CADPS: variants seen among roughly 807,000 people sequenced by gnomAD.
CADPS encodes the protein calcium-dependent secretion activator 1.
A neutral mutation model predicts 167.3 loss-of-function variants in CADPS; 57 were observed. The observed-to-expected ratio is 0.34, with a 90% CI of 0.28 to 0.42. CADPS has a LOEUF of 0.42. Among genes scored for constraint, CADPS ranks in the 20% least tolerant of loss-of-function variants. CADPS has a pLI of 1.00. For missense variants in CADPS, 1,414 were observed against 1,738.1 expected (o/e 0.81, Z 3.32); for synonymous variants, 676 against 635.3 (o/e 1.06, Z -0.96).
rs2049194032 is a variant in CADPS at position 62,412,679 on chromosome 3, C to T, written c.3778-9494G>A. The stretch of plus-strand genomic sequence containing the variant: ...AAGGGATGAATCCACAAGTAGACTC[C>T]CGACTTAATGCATTTCAGCCTTCTA... On this transcript the variant is annotated intron_variant, in intron 28 of 29. Transcript: ENST00000383710. This position sits in a 1 kb window ranked among gnomAD's most constrained non-coding sequence, Gnocchi z 4.1. Among the ~76,000 whole-genome samples, 3 of 152,052 alleles carry T rather than the reference C, an allele frequency of 2.0e-5. No individual in the cohort carries two copies. The highest frequency in any genetic ancestry group is 2.0e-4 in the Admixed American group (3 of 15,256).
At chr3:62,461,500 C>G (rs971873744) in intron 26 of CADPS, among the ~76,000 whole-genome samples, 7 of 152,154 alleles carry the variant, frequency 4.6e-5, no homozygotes, top group African/African-American at 1.7e-4. Context: ...GGGCTTTCCA[C>G]CTTTGCCCTC....
intron 9 of CADPS, among the ~76,000 whole-genome samples, chr3:62,559,444 G>C (rs2078756330): frequency 6.6e-6 from 1 of 151,838 alleles, no homozygotes; most frequent in Non-Finnish European, 1.5e-5. Flanking sequence ...CAGATTTCCT[G>C]TGACCCTCTG....
At chr3:62,858,891 G>A (rs1300121795) in intron 1 of CADPS, among the ~76,000 whole-genome samples, 1 of 152,006 alleles carries the variant, frequency 6.6e-6, no homozygotes, top group Non-Finnish European at 1.5e-5. Context: ...TACCTTTGTT[G>A]CTATCATATT....
In CADPS at chr3:62,672,565, C is replaced by T. The variant is rs145608360; in HGVS notation, c.889-10171G>A. On this transcript the variant is annotated intron_variant, in intron 3 of 29. Transcript: ENST00000383710. ...AGACCATTCTGTACTTCTAGGTTCACGAACATGACATACTCTTGCTTGGCC... is the reference window on the plus strand; with the variant it reads ...AGACCATTCTGTACTTCTAGGTTCATGAACATGACATACTCTTGCTTGGCC... Among the ~76,000 whole-genome samples the T allele has an allele frequency of 3.1e-3, 477 of 152,264 alleles. 1 individual carries two copies. The highest frequency in any genetic ancestry group is 5.2e-3 in the Non-Finnish European group (351 of 68,028).
At chr3:62,682,322 T>C (rs2077273221) in intron 3 of CADPS, among the ~76,000 whole-genome samples, 2 of 152,022 alleles carry the variant, frequency 1.3e-5, no homozygotes, top group Admixed American at 1.3e-4. Flanking sequence ...AAGCAGTGAA[T>C]CACTAAATGA....
intron 26 of CADPS, among the ~76,000 whole-genome samples, chr3:62,451,147 T>G (rs2057988147): frequency 6.6e-6 from 1 of 152,144 alleles, no homozygotes; most frequent in Non-Finnish European, 1.5e-5. Context: ...GGCTTGAATG[T>G]CCCAGCTAAT....
At chr3:62,564,729 C>T (rs1462935892) in intron 9 of CADPS, among the ~76,000 whole-genome samples, 1 of 151,792 alleles carries the variant, frequency 6.6e-6, no homozygotes, top group Non-Finnish European at 1.5e-5. Context: ...GTCTCAGCCA[C>T]CTGAGCAGCT....
rs1283436384 is a variant in CADPS, at chr3:62,710,057, G to A, written c.888+43384C>T. On this transcript the variant is annotated intron_variant, in intron 3 of 29. Transcript: ENST00000383710. ...GCTGGGATTACAGGCATGAGTCACCGTGCCTGGCCAGGTTCTATGTTAATA... is the reference window on the plus strand; with the variant it reads ...GCTGGGATTACAGGCATGAGTCACCATGCCTGGCCAGGTTCTATGTTAATA... Among the ~76,000 whole-genome samples the A allele has an allele frequency of 3.3e-5, 5 of 152,054 alleles. No homozygotes were observed. The East Asian group carries it at 9.6e-4, about 29-fold the overall frequency.
chr3:62,676,142 C>T (rs2076298711), intron 3 of CADPS, among the ~76,000 whole-genome samples: 1 of 152,108 alleles, frequency 6.6e-6, no homozygotes, highest in Non-Finnish European at 1.5e-5. Context: ...GCTAACATTC[C>T]TAGACACAGA....
At chr3:62,599,710 TA>T (rs2059491327) in intron 6 of CADPS, among the ~76,000 whole-genome samples, 1 of 50,464 alleles carries the variant, frequency 2.0e-5, no homozygotes, top group African/African-American at 1.0e-4. Context: ...ATATATTATA[TA>T]ATATATAATA....
At chr3:62,457,918 C>A (rs1230426677) in intron 26 of CADPS, among the ~76,000 whole-genome samples, 3 of 152,018 alleles carry the variant, frequency 2.0e-5, no homozygotes, top group African/African-American at 7.3e-5. Context: ...ACATCACACA[C>A]TGGGGCCTGT....
chr3:62,595,497 C>T (rs1477126343), intron 6 of CADPS, among the ~76,000 whole-genome samples: 9 of 152,158 alleles, frequency 5.9e-5, no homozygotes, highest in Admixed American at 2.0e-4. Flanking sequence ...ATAAAATAAG[C>T]TAATTTCACA....
At chr3:62,781,789 A>G (rs543823328) in intron 1 of CADPS, among the ~76,000 whole-genome samples, 1 of 152,294 alleles carries the variant, frequency 6.6e-6, no homozygotes, top group African/African-American at 2.4e-5. Flanking sequence ...GCACATTCCA[A>G]GTCTTTGCAC....
rs574203109 is a variant in CADPS at position 62,633,462 on chromosome 3, A to C, written c.1325+12260T>G. ...AGGTCCCGTGAGATCTGGCCCCGCC[A>C]GCCTTGCTGACTTGCTGTCTTCTCT... On this transcript the variant is annotated intron_variant, in intron 6 of 29. Transcript: ENST00000383710. Among the ~76,000 whole-genome samples, 7 of 152,224 alleles carry C rather than the reference A, an allele frequency of 4.6e-5. No homozygotes were observed. In the South Asian group the frequency reaches 1.5e-3, roughly 32 times the overall value.
At chr3:62,732,795 T>C (rs747131154) in intron 3 of CADPS, among the ~76,000 whole-genome samples, 1 of 152,196 alleles carries the variant, frequency 6.6e-6, no homozygotes, top group African/African-American at 2.4e-5. Context: ...TAATGTCTTA[T>C]GGTGGAAACA....
chr3:62,470,299 G>A (rs2060436540), intron 24 of CADPS, among the ~76,000 whole-genome samples: 1 of 152,164 alleles, frequency 6.6e-6, no homozygotes, highest in South Asian at 2.1e-4. Context: ...TGGGACCCAG[G>A]TGGAGGCTGG....
intron 1 of CADPS, among the ~76,000 whole-genome samples, chr3:62,832,929 T>C (rs1320655493): frequency 6.6e-6 from 1 of 152,186 alleles, no homozygotes; most frequent in Non-Finnish European, 1.5e-5. Context: ...CTCCACTCCT[T>C]TAGAAAACAA....
At position 62,421,819 on chromosome 3, in the gene CADPS, A is replaced by G. The variant is rs986654707; in HGVS notation, c.3777+16285T>C. Among the ~76,000 whole-genome samples the G allele has an allele frequency of 1.3e-5, 2 of 152,128 alleles. No individual in the cohort carries two copies. Among genetic ancestry groups the G allele is most frequent in the African/African-American group, 4.8e-5 (2 of 41,432 alleles). On this transcript the variant is annotated intron_variant, in intron 28 of 29. Coordinates refer to ENST00000383710, the MANE Select transcript of CADPS (RefSeq NM_003716.4). This position sits in a 1 kb window ranked among gnomAD's most constrained non-coding sequence, Gnocchi z 4.7. ...GGTCTGGGTTTTTTTGGAGTGTGCT[A>G]TTGTTTGTGCTGGACTGTTAGGCTG... is the stretch of plus-strand genomic sequence containing the variant.
chr3:62,437,617 C>A (rs1462778019), intron 28 of CADPS, among the ~76,000 whole-genome samples: 1 of 152,034 alleles, frequency 6.6e-6, no homozygotes, highest in Admixed American at 6.6e-5. Context: ...GTAAGGATTT[C>A]CAGTCTTCCA....
Sources: allele counts gnomAD v4.1 joint callset (sites outside exome capture counted in the v4.1 genomes callset), GRCh38; gene constraint gnomAD v4.1.1; non-coding constraint Gnocchi (gnomAD v3.1); transcripts MANE v1.5; gene names NCBI Gene and HGNC (gene_info 2026-07-23, HGNC 2026-07-21).